Variants in TSGA10 observed in about 807,000 individuals in gnomAD.
TSGA10 encodes testis-specific gene 10 protein.
Under a neutral mutation model 96.6 loss-of-function variants are expected in TSGA10, and 43 were observed. The ratio of observed to expected loss-of-function variants is 0.44; its 90% CI spans 0.35 to 0.57. TSGA10 has a LOEUF of 0.57. Ranked by LOEUF, TSGA10 falls within the 20% of genes least tolerant of loss-of-function variation. The pLI is 0.01. For synonymous variants in TSGA10, 229 were observed against 269.9 expected (o/e 0.85, Z 1.48); for missense variants, 703 against 834.4 (o/e 0.84, Z 1.94).
chr2:99,105,650 A>C lies in TSGA10; in HGVS notation c.258T>G (p.Cys86Trp). The change falls in exon 8 of 21, where the codon TGT becomes TGG. Residue 86 changes from cysteine (C) to tryptophan (W), a missense_variant. By Grantham distance (215) the Cys-to-Trp change is radical. Transcript: ENST00000393483. Reference protein sequence around the residue: ...TRLRREMMKSCKSPKSTTAHA... With the variant: ...TRLRREMMKSWKSPKSTTAHA... ...GTGCCGTTGTTGATTTAGGACTCTT[A>C]CAGCTTTTCATCATTTCTCGTCGAA... is the stretch of plus-strand genomic sequence containing the variant. 1 of 1,597,170 alleles carries C rather than the reference A, an allele frequency of 6.3e-7. No homozygotes were observed. Among genetic ancestry groups the C allele is most frequent in the South Asian group, 1.1e-5 (1 of 90,526 alleles).
chr2:99,142,886 G>T (rs35525595), intron 1 of TSGA10, among the ~76,000 whole-genome samples: 3,002 of 152,156 alleles, frequency 0.02, 45 homozygotes, highest in Middle Eastern at 0.058. Flanking sequence ...AAGTAGGAAA[G>T]TACTTCCCTT....
At chr2:99,093,261 T>C (rs1040202011) in intron 10 of TSGA10, among the ~76,000 whole-genome samples, 34 of 152,152 alleles carry the variant, frequency 2.2e-4, no homozygotes, top group African/African-American at 7.9e-4. Flanking sequence ...CTTAATGTAA[T>C]AAAAGCCGTC....
chr2:99,062,214 T>C (rs1438654301), intron 16 of TSGA10, among the ~76,000 whole-genome samples: 1 of 152,206 alleles, frequency 6.6e-6, no homozygotes, highest in Non-Finnish European at 1.5e-5. Context: ...CATACATATA[T>C]GTGTCCACCA....
At chr2:99,118,015 A>C (rs1400224887) in intron 3 of TSGA10, among the ~76,000 whole-genome samples, 1 of 152,188 alleles carries the variant, frequency 6.6e-6, no homozygotes, top group Non-Finnish European at 1.5e-5. Context: ...GAACTTAATT[A>C]CTATTGATTT....
intron 17 of TSGA10, among the ~76,000 whole-genome samples, chr2:99,021,943 A>G (rs2104964355): frequency 6.6e-6 from 1 of 152,276 alleles, no homozygotes; most frequent in African/African-American, 2.4e-5. Context: ...TTGAAATATA[A>G]TTCACATGCC....
At chr2:99,011,208 C>T (rs556795718) in intron 20 of TSGA10, among the ~76,000 whole-genome samples, 13 of 152,332 alleles carry the variant, frequency 8.5e-5, no homozygotes, top group African/African-American at 3.1e-4. Flanking sequence ...TCTCTGCTCA[C>T]TGCAACCTCC....
In TSGA10 at chr2:99,033,196, T is replaced by A. The variant is rs574277544; in HGVS notation, c.1614+2034A>T. 6.6e-5 allele frequency among the ~76,000 whole-genome samples: 10 copies of A among 152,318 alleles called. No homozygotes were observed. The East Asian group carries it at 1.4e-3, about 21-fold the overall frequency. The stretch of plus-strand genomic sequence containing the variant: ...AGAGAAATGCTGGCTATCCAAAAAA[T>A]GTCACCTGAACTTAACAACGTTTTG... On this transcript the variant is annotated intron_variant, in intron 17 of 20. Transcript: ENST00000393483.
intron 11 of TSGA10, among the ~76,000 whole-genome samples, chr2:99,079,477 T>C (rs947265478): frequency 1.3e-5 from 2 of 152,294 alleles, no homozygotes; most frequent in East Asian, 1.9e-4. Flanking sequence ...TGTACATTCT[T>C]ATGCCTCCAC....
chr2:99,009,766 G>T (rs1187661928), intron 20 of TSGA10, among the ~76,000 whole-genome samples: 1 of 152,070 alleles, frequency 6.6e-6, no homozygotes, highest in Non-Finnish European at 1.5e-5. Context: ...AGTAATGGAA[G>T]AAAGCAAGGA....
intron 1 of TSGA10, chr2:99,141,333 A>G (rs948835101): frequency 4.4e-5 from 13 of 298,480 alleles, no homozygotes; most frequent in African/African-American, 7.0e-5. Context: ...CCCCGCCCTC[A>G]CGCTCTGTAC....
At chr2:99,083,007 A>G (rs2087722916) in intron 10 of TSGA10, among the ~76,000 whole-genome samples, 1 of 152,186 alleles carries the variant, frequency 6.6e-6, no homozygotes, top group South Asian at 2.1e-4. Flanking sequence ...GGGGAAAAAA[A>G]CAGATCAGAG....
chr2:99,136,152 T>G (rs1381761302), intron 1 of TSGA10, among the ~76,000 whole-genome samples: 1 of 152,226 alleles, frequency 6.6e-6, no homozygotes, highest in African/African-American at 2.4e-5. Context: ...TTCCTCTCAC[T>G]GAGTCAACTT....
Position 99,110,928 on chromosome 2 carries a change from T to TAAAAAAAAAAA in TSGA10, c.-139-24_-139-14dup, listed in dbSNP as rs11352300. 1.9e-6 allele frequency: 1 copy of TAAAAAAAAAAA among 528,478 alleles called. No individual in the cohort carries two copies. The allele number at this position is 528,478 out of a possible 1,614,324, so 32.7% of individuals were successfully genotyped here. A position where few individuals can be genotyped will look rare whatever the true frequency, so the allele number is the denominator to read the frequency against. ...AAATGAGATCAATCTGAAGAAAAAGTAAAAAAAAAAAAAATTATTTCTATT... is the reference window on the plus strand; with the variant it reads ...AAATGAGATCAATCTGAAGAAAAAGTAAAAAAAAAAAAAAAAAAAAAAAAATTATTTCTATT... On this transcript the variant is annotated splice_polypyrimidine_tract_variant and intron_variant, in intron 4 of 20. Transcript: ENST00000393483.
intron 1 of TSGA10, among the ~76,000 whole-genome samples, chr2:99,136,715 C>T (rs1385432004): frequency 1.9e-5 from 1 of 53,364 alleles, no homozygotes; most frequent in Non-Finnish European, 4.2e-5. Flanking sequence ...AGGAGAATGG[C>T]GTGAACCCGG....
chr2:99,052,579 A>G lies in TSGA10; in HGVS notation c.1404+12360T>C, dbSNP rs552635877. Among the ~76,000 whole-genome samples, 132 of 152,062 alleles carry G rather than the reference A, an allele frequency of 8.7e-4. 2 individuals carry two copies. In the South Asian group the frequency reaches 0.019, roughly 22 times the overall value. ...CGGTGAAACCCCGTCTCTACTAAAA[A>G]TACAAAAAATTAGCCGGGCGTGGTG... is the stretch of plus-strand genomic sequence containing the variant. On this transcript the variant is annotated intron_variant, in intron 16 of 20. Coordinates refer to ENST00000393483, the MANE Select transcript of TSGA10 (RefSeq NM_025244.4).
intron 17 of TSGA10, among the ~76,000 whole-genome samples, chr2:99,022,881 G>A (rs544728227): frequency 3.3e-5 from 5 of 152,152 alleles, no homozygotes; most frequent in African/African-American, 1.2e-4. Flanking sequence ...CCATCCTAGT[G>A]GTTGTGAAAT....
Position 99,136,580 on chromosome 2 carries a change from G to A in TSGA10, c.-620-9404C>T, listed in dbSNP as rs1456187260. Among the ~76,000 whole-genome samples, 9 of 27,758 alleles carry A rather than the reference G, an allele frequency of 3.2e-4. 2 individuals carry two copies. The highest frequency in any genetic ancestry group is 1.3e-3 in the Admixed American group (3 of 2,240). The allele number at this position is 27,758 out of a possible 152,430, so 18.2% of individuals were successfully genotyped here. ...TGGGAGGCCGAGGCGGGCGGATCAC[G>A]AGGTCAGGAGATCGAGACCATCCCG... On this transcript the variant is annotated intron_variant, in intron 1 of 20. Coordinates refer to ENST00000393483, the MANE Select transcript of TSGA10 (RefSeq NM_025244.4).
chr2:99,089,507 G>A (rs187316041), intron 10 of TSGA10, among the ~76,000 whole-genome samples: 1 of 152,246 alleles, frequency 6.6e-6, no homozygotes, highest in East Asian at 1.9e-4. Context: ...TGGTAGCCTG[G>A]GGCAAGTTCT....
chr2:99,025,121 T>C (rs935159910), intron 17 of TSGA10, among the ~76,000 whole-genome samples: 3 of 152,210 alleles, frequency 2.0e-5, no homozygotes, highest in Non-Finnish European at 4.4e-5. Flanking sequence ...TTTGTCTGGC[T>C]TTGGCCTCAG....
Sources: allele counts gnomAD v4.1 joint callset (sites outside exome capture counted in the v4.1 genomes callset), GRCh38; gene constraint gnomAD v4.1.1; transcripts MANE v1.5; gene names NCBI Gene and HGNC (gene_info 2026-07-23, HGNC 2026-07-21).